Variants in AKR1C8 observed in about 807,000 individuals in gnomAD.
AKR1C8 encodes aldo-keto reductase family 1 member C-like protein 1.
the AKR1C8 span, chr10:5,160,953 A>C: frequency 2.2e-6 from 1 of 463,776 alleles, no homozygotes; most frequent in African/African-American, 2.0e-5. Flanking sequence ...CTGGTGCCTA[A>C]GGAGCTCGGC....
At chr10:5,116,356 G>C in the AKR1C8 span, among the ~76,000 whole-genome samples, 7 of 152,006 alleles carry the variant, frequency 4.6e-5, no homozygotes, top group Non-Finnish European at 1.0e-4. Context: ...AAGATCTCTA[G>C]GCCAGCAGAA....
At chr10:5,185,000 G>C in the AKR1C8 span, 66 of 534,426 alleles carry the variant, frequency 1.2e-4, no homozygotes, top group Admixed American at 1.3e-3. Flanking sequence ...CAGCCTCCTG[G>C]GGTCCACTTA....
the AKR1C8 span, among the ~76,000 whole-genome samples, chr10:5,167,475 T>A: frequency 2.6e-5 from 4 of 152,182 alleles, no homozygotes; most frequent in Non-Finnish European, 5.9e-5. Flanking sequence ...TAAGTTCATG[T>A]CCTTTGTAGG....
At chr10:5,182,066 C>CA in the AKR1C8 span, among the ~76,000 whole-genome samples, 1 of 151,814 alleles carries the variant, frequency 6.6e-6, no homozygotes, top group East Asian at 1.9e-4. Flanking sequence ...TTTTCAGAGT[C>CA]AAAAAACTTT....
chr10:5,144,903 C>G, the AKR1C8 span, among the ~76,000 whole-genome samples: 1 of 151,974 alleles, frequency 6.6e-6, no homozygotes, highest in Non-Finnish European at 1.5e-5. Flanking sequence ...ACTTCCAACA[C>G]TATGTTGAAT....
chr10:5,134,094 G>C, the AKR1C8 span, among the ~76,000 whole-genome samples: 6 of 152,098 alleles, frequency 3.9e-5, no homozygotes, highest in African/African-American at 1.2e-4. Context: ...ATTTTAATAT[G>C]AGTATTTCAG....
chr10:5,180,318 T>C, the AKR1C8 span, among the ~76,000 whole-genome samples: 2 of 152,216 alleles, frequency 1.3e-5, no homozygotes, highest in Admixed American at 1.3e-4. Flanking sequence ...TGCTGCTGTC[T>C]GATCATTCCT....
At chr10:5,155,583 G>T in the AKR1C8 span, 1 of 353,714 alleles carries the variant, frequency 2.8e-6, no homozygotes, top group South Asian at 2.3e-5. Context: ...CCTGAATTTG[G>T]GCCTGTCTTC....
chr10:5,175,803 C>T, the AKR1C8 span, among the ~76,000 whole-genome samples: 16 of 149,396 alleles, frequency 1.1e-4, no homozygotes, highest in South Asian at 1.1e-3. Context: ...TCATGAACTT[C>T]GCCCACTTTT....
chr10:5,137,144 A>C, the AKR1C8 span, among the ~76,000 whole-genome samples: 95 of 152,300 alleles, frequency 6.2e-4, no homozygotes, highest in Middle Eastern at 3.4e-3. Context: ...AGCAGGATGT[A>C]ATCTTTTGGC....
chr10:5,132,493 T>A, the AKR1C8 span: 50 of 1,059,898 alleles, frequency 4.7e-5, no homozygotes, highest in Non-Finnish European at 6.1e-5. Context: ...GTCAATAAAT[T>A]GGAACCAATA....
chr10:5,160,056 C>A, the AKR1C8 span: 1 of 324,554 alleles, frequency 3.1e-6, no homozygotes. Flanking sequence ...TTTTTCTTTT[C>A]AATTGGCGTT....
the AKR1C8 span, among the ~76,000 whole-genome samples, chr10:5,146,965 A>G: frequency 6.6e-6 from 1 of 152,148 alleles, no homozygotes; most frequent in Non-Finnish European, 1.5e-5. Flanking sequence ...TGTTGCTATA[A>G]AGGCATACCC....
the AKR1C8 span, among the ~76,000 whole-genome samples, chr10:5,171,765 C>T: frequency 6.6e-6 from 1 of 151,988 alleles, no homozygotes; most frequent in East Asian, 1.9e-4. Flanking sequence ...TTAACCTTAG[C>T]CAATATGTTT....
chr10:5,121,514 T>A, the AKR1C8 span, among the ~76,000 whole-genome samples: 7 of 152,152 alleles, frequency 4.6e-5, no homozygotes, highest in Admixed American at 4.6e-4. Flanking sequence ...AAGACATAAA[T>A]TTGGGAGATA....
chr10:5,179,428 A>T, the AKR1C8 span, among the ~76,000 whole-genome samples: 2 of 151,932 alleles, frequency 1.3e-5, no homozygotes, highest in Non-Finnish European at 2.9e-5. Context: ...CCTTCATTTC[A>T]ACTTTGGTGA....
chr10:5,176,368 T>C, the AKR1C8 span, among the ~76,000 whole-genome samples: 4 of 143,436 alleles, frequency 2.8e-5, no homozygotes, highest in Admixed American at 7.1e-5. Context: ...CCATGCTGTT[T>C]TGGTTACTGT....
the AKR1C8 span, among the ~76,000 whole-genome samples, chr10:5,116,466 C>T: frequency 2.6e-5 from 4 of 152,020 alleles, no homozygotes; most frequent in Admixed American, 6.6e-5. Flanking sequence ...ATTCCTGGAC[C>T]GTGAATCCTG....
At chr10:5,151,294 T>A in the AKR1C8 span, among the ~76,000 whole-genome samples, 1 of 152,170 alleles carries the variant, frequency 6.6e-6, no homozygotes, top group East Asian at 1.9e-4. Flanking sequence ...CCATAATTTC[T>A]AATCTTGTGG....
Sources: allele counts gnomAD v4.1 joint callset (sites outside exome capture counted in the v4.1 genomes callset), GRCh38; gene constraint gnomAD v4.1.1; transcripts MANE v1.5; gene names NCBI Gene and HGNC (gene_info 2026-07-23, HGNC 2026-07-21).